ACOXL: variants seen among roughly 807,000 people sequenced by gnomAD.
ACOXL encodes acyl-coenzyme A oxidase-like protein.
In ACOXL, 70 loss-of-function variants were observed where a neutral mutation model predicts 71.9. That is an observed-to-expected ratio of 0.97 (90% CI 0.80 to 1.19). The LOEUF is 1.19. Among genes scored for constraint, ACOXL ranks in the 50% most tolerant of loss-of-function variants. ACOXL has a pLI of 0.00. For missense variants in ACOXL, 703 were observed against 736.3 expected (o/e 0.95, Z 0.52); for synonymous variants, 253 against 281.6 (o/e 0.90, Z 1.02).
chr2:111,003,301 G>A (rs2063718825), intron 14 of ACOXL, among the ~76,000 whole-genome samples: 1 of 152,016 alleles, frequency 6.6e-6, no homozygotes, highest in Admixed American at 6.6e-5. Flanking sequence ...TGTAATCCCA[G>A]CATTTTGGGA....
At chr2:110,819,781 T>C (rs1688386164) in intron 9 of ACOXL, among the ~76,000 whole-genome samples, 1 of 152,172 alleles carries the variant, frequency 6.6e-6, no homozygotes, top group South Asian at 2.1e-4. Context: ...TGATATTCTC[T>C]AGAGAAGGGG....
chr2:110,817,941 C>T (rs546936691), intron 9 of ACOXL, among the ~76,000 whole-genome samples: 2 of 149,754 alleles, frequency 1.3e-5, no homozygotes, highest in East Asian at 3.9e-4. Context: ...TGTTTCAATC[C>T]ATGCTCCTGA....
chr2:110,867,836 C>T (rs956119497), intron 10 of ACOXL, among the ~76,000 whole-genome samples: 5 of 152,082 alleles, frequency 3.3e-5, no homozygotes, highest in Admixed American at 2.6e-4. Context: ...GATCTCGGCT[C>T]ACTGCAAGCT....
chr2:110,962,957 C>T (rs926129360), intron 12 of ACOXL, among the ~76,000 whole-genome samples: 1 of 152,256 alleles, frequency 6.6e-6, no homozygotes, highest in Admixed American at 6.5e-5. Flanking sequence ...GGACCTGGGA[C>T]CCACACAAAG....
intron 10 of ACOXL, among the ~76,000 whole-genome samples, chr2:110,877,177 G>A (rs1327031348): frequency 2.0e-5 from 3 of 152,240 alleles, no homozygotes; most frequent in African/African-American, 7.2e-5. Context: ...GCAGCAGTGG[G>A]TGTGGCTGTC....
At chr2:111,072,384 CTT>C (rs1344398626) in intron 16 of ACOXL, among the ~76,000 whole-genome samples, 1 of 152,150 alleles carries the variant, frequency 6.6e-6, no homozygotes. Context: ...CGCATGATGT[CTT>C]TGAGATTCAG....
intron 10 of ACOXL, among the ~76,000 whole-genome samples, chr2:110,868,871 G>A (rs536983900): frequency 3.9e-5 from 6 of 152,320 alleles, no homozygotes; most frequent in Middle Eastern, 6.8e-3. Flanking sequence ...GATTGCAGGC[G>A]TGAGCCACTG....
chr2:110,946,569 A>C (rs1186707582), intron 12 of ACOXL, among the ~76,000 whole-genome samples: 1 of 152,204 alleles, frequency 6.6e-6, no homozygotes, highest in Admixed American at 6.5e-5. Flanking sequence ...ATTTTGCCAT[A>C]TGAAAATTGA....
Position 110,735,481 on chromosome 2 carries a change from G to A in ACOXL, c.-23+2707G>A, listed in dbSNP as rs558638421. On this transcript the variant is annotated intron_variant, in intron 1 of 17. Transcript: ENST00000439055. ...GGCCAGGCAATCCCAGGGCATAAGAGCTCAGGAAACAGTTTTCCTCCAAAA... is the reference window on the plus strand; with the variant it reads ...GGCCAGGCAATCCCAGGGCATAAGAACTCAGGAAACAGTTTTCCTCCAAAA... 5.7e-4 allele frequency among the ~76,000 whole-genome samples: 87 copies of A among 152,324 alleles called. No homozygotes were observed. The South Asian group carries it at 0.011, about 19-fold the overall frequency.
At chr2:111,115,725 T>C (rs1484812740) in intron 17 of ACOXL, 1 of 152,180 alleles carries the variant, frequency 6.6e-6, no homozygotes, top group African/African-American at 2.4e-5. Flanking sequence ...AGAAGGAGTA[T>C]TTTAAACTGC....
chr2:110,835,994 G>T (rs531882272), intron 9 of ACOXL, among the ~76,000 whole-genome samples: 2 of 152,298 alleles, frequency 1.3e-5, no homozygotes, highest in African/African-American at 4.8e-5. Context: ...AAAGGTCGGG[G>T]TTTGGCCACA....
intron 9 of ACOXL, among the ~76,000 whole-genome samples, chr2:110,811,715 T>C (rs1038661991): frequency 1.5e-5 from 2 of 130,832 alleles, no homozygotes; most frequent in Non-Finnish European, 3.4e-5. Flanking sequence ...CGTTATCCTT[T>C]TTGTTTTTTT....
At chr2:110,735,438 A>T (rs372231175) in intron 1 of ACOXL, among the ~76,000 whole-genome samples, 108 of 152,264 alleles carry the variant, frequency 7.1e-4, no homozygotes, top group Middle Eastern at 6.8e-3. Flanking sequence ...GTGTGTACAT[A>T]GTGAGAAGTT....
At chr2:110,858,293 G>A (rs150808491) in intron 10 of ACOXL, among the ~76,000 whole-genome samples, 2 of 152,310 alleles carry the variant, frequency 1.3e-5, no homozygotes, top group South Asian at 2.1e-4. Context: ...TCCTTTCGAT[G>A]TTAGAGAACA....
chr2:111,098,860 G>A (rs1187496131), intron 17 of ACOXL: 1 of 152,110 alleles, frequency 6.6e-6, no homozygotes, highest in Non-Finnish European at 1.5e-5. Flanking sequence ...GACTTATACC[G>A]ACGCTCCAGT....
chr2:111,016,851 T>C (rs889044845), intron 14 of ACOXL: 17 of 151,650 alleles, frequency 1.1e-4, no homozygotes, highest in African/African-American at 3.4e-4. Context: ...CCCTAGAGAG[T>C]CTGGATATTC....
intron 14 of ACOXL, among the ~76,000 whole-genome samples, chr2:111,018,900 G>A (rs62161545): frequency 0.3 from 44,873 of 151,988 alleles, 7,072 homozygotes; most frequent in Non-Finnish European, 0.34. Flanking sequence ...CTCATGGGGT[G>A]GATTTTCCGC....
At chr2:110,810,532 CCATCCATCATCCATTCATCATT>C (rs1417131293) in intron 9 of ACOXL, among the ~76,000 whole-genome samples, 1 of 151,872 alleles carries the variant, frequency 6.6e-6, no homozygotes, top group Admixed American at 6.6e-5. Flanking sequence ...ATCCATCCAC[CCATCCATCATCCATTCATCATT>C]CATCCATCAT....
intron 5 of ACOXL, 72 bp downstream of exon 5, chr2:110,794,246 T>C: frequency 7.0e-7 from 1 of 1,427,714 alleles, no homozygotes; most frequent in Non-Finnish European, 9.8e-7. Context: ...TCCTTCTTTC[T>C]GTGTCCAGCT....
Sources: allele counts gnomAD v4.1 joint callset (sites outside exome capture counted in the v4.1 genomes callset), GRCh38; gene constraint gnomAD v4.1.1; transcripts MANE v1.5; gene names NCBI Gene and HGNC (gene_info 2026-07-23, HGNC 2026-07-21).